Variants in FBXL13 observed in about 807,000 individuals in gnomAD.
FBXL13 encodes F-box and leucine-rich repeat protein 13.
A neutral mutation model predicts 83.6 loss-of-function variants in FBXL13; 67 were observed. The observed-to-expected ratio is 0.80, with a 90% confidence interval of 0.66 to 0.98. The LOEUF is 0.98. Among genes scored for constraint, FBXL13 ranks in the 50% least tolerant of loss-of-function variants. FBXL13 has a pLI of 0.00. For synonymous variants in FBXL13, 272 were observed against 299.5 expected, an observed-to-expected ratio of 0.91 and a Z score of 0.95; for missense variants, 822 against 866.5, an observed-to-expected ratio of 0.95 and a Z score of 0.64.
At chr7:102,823,876 T>C (rs1799172698) in intron 18 of FBXL13, among the ~76,000 whole-genome samples, 1 of 152,172 alleles carries the variant, frequency 6.6e-6, no homozygotes, top group Non-Finnish European at 1.5e-5. Context: ...TTAAACATTA[T>C]AACTGACTCT....
At chr7:102,836,423 T>A (rs1801993418) in intron 17 of FBXL13, among the ~76,000 whole-genome samples, 1 of 152,230 alleles carries the variant, frequency 6.6e-6, no homozygotes, top group African/African-American at 2.4e-5. Context: ...TAATCACTCA[T>A]GAAATTCCAT....
intron 19 of FBXL13, among the ~76,000 whole-genome samples, chr7:102,819,974 T>A (rs1291521695): frequency 6.6e-6 from 1 of 152,120 alleles, no homozygotes. Context: ...AATAAAAAAA[T>A]TTGAGGCCAG....
At chr7:102,830,195 A>G (rs1057456941) in intron 18 of FBXL13, among the ~76,000 whole-genome samples, 1 of 152,230 alleles carries the variant, frequency 6.6e-6, no homozygotes, top group African/African-American at 2.4e-5. Context: ...CTTCATAACA[A>G]AAAACAAAAA....
At chr7:103,042,518 C>A (rs954943633) in intron 2 of FBXL13, among the ~76,000 whole-genome samples, 81 of 152,160 alleles carry the variant, frequency 5.3e-4, no homozygotes, top group Non-Finnish European at 4.0e-4. Context: ...ATAGCCAAGG[C>A]AGTCTTAAGC....
intron 6 of FBXL13, among the ~76,000 whole-genome samples, chr7:102,973,972 T>G (rs1827113124): frequency 6.6e-6 from 1 of 152,168 alleles, no homozygotes; most frequent in South Asian, 2.1e-4. Flanking sequence ...ATCGCTCCTT[T>G]CATCGTCTCC....
At chr7:102,834,900 G>A (rs1801604853) in intron 17 of FBXL13, among the ~76,000 whole-genome samples, 1 of 151,774 alleles carries the variant, frequency 6.6e-6, no homozygotes, top group Non-Finnish European at 1.5e-5. Context: ...GTGTGTGTGT[G>A]TGTGTGTGTG....
chr7:102,981,974 G>A, intron 6 of FBXL13, among the ~76,000 whole-genome samples: 1 of 152,252 alleles, frequency 6.6e-6, no homozygotes. Context: ...TGAGGCTGAG[G>A]GGGGCAGATC....
intron 6 of FBXL13, among the ~76,000 whole-genome samples, chr7:103,001,182 A>T (rs1585304852): frequency 6.6e-6 from 1 of 152,000 alleles, no homozygotes; most frequent in East Asian, 1.9e-4. Flanking sequence ...GCTGGTCTCA[A>T]ACTCCCAGGT....
intron 2 of FBXL13, among the ~76,000 whole-genome samples, chr7:103,032,106 A>G (rs1382724754): frequency 6.6e-6 from 1 of 152,232 alleles, no homozygotes; most frequent in African/African-American, 2.4e-5. Flanking sequence ...TAGGAGAGAA[A>G]AAGAAGTGAA....
At chr7:102,960,236 G>T (rs1210445423) in intron 8 of FBXL13, among the ~76,000 whole-genome samples, 2 of 152,120 alleles carry the variant, frequency 1.3e-5, no homozygotes, top group African/African-American at 2.4e-5. Context: ...AAATCTAGAA[G>T]AAATGGATAA....
chr7:102,978,004 G>A (rs1585217634), intron 6 of FBXL13, among the ~76,000 whole-genome samples: 1 of 152,080 alleles, frequency 6.6e-6, no homozygotes. Context: ...GTTAAATGAC[G>A]AATTAATGGG....
intron 6 of FBXL13, among the ~76,000 whole-genome samples, chr7:102,977,465 T>C (rs972518556): frequency 6.6e-6 from 1 of 152,182 alleles, no homozygotes; most frequent in Non-Finnish European, 1.5e-5. Context: ...AAGTAGCCCA[T>C]GTACCAGTCC....
intron 8 of FBXL13, among the ~76,000 whole-genome samples, chr7:102,956,130 C>A (rs1028606585): frequency 1.3e-5 from 2 of 151,998 alleles, no homozygotes; most frequent in African/African-American, 4.8e-5. Context: ...TGCAAAAATC[C>A]TCAATAAAAT....
At chr7:102,979,931 C>T (rs1384865829) in intron 6 of FBXL13, among the ~76,000 whole-genome samples, 1 of 152,140 alleles carries the variant, frequency 6.6e-6, no homozygotes, top group African/African-American at 2.4e-5. Flanking sequence ...TTAAAATCTG[C>T]CTCTGAATAA....
chr7:102,987,688 TA>T (rs1429222259), intron 6 of FBXL13, among the ~76,000 whole-genome samples: 1 of 152,216 alleles, frequency 6.6e-6, no homozygotes. Flanking sequence ...GTGGGTATCA[TA>T]CACTAATCAC....
At chr7:102,843,636 C>T (rs1803394462) in intron 17 of FBXL13, among the ~76,000 whole-genome samples, 1 of 151,974 alleles carries the variant, frequency 6.6e-6, no homozygotes, top group Non-Finnish European at 1.5e-5. Context: ...ATTAGCCAGA[C>T]ATGGTCGTGG....
At chr7:102,832,896 C>A (rs145243545) in exon 18 of FBXL13, 19 of 1,614,096 alleles carry the variant, frequency 1.2e-5, no homozygotes, top group Non-Finnish European at 1.6e-5. Context: ...ATGGCCAGTG[C>A]TTTGATAATC....
At chr7:102,943,345 A>G (rs1324835213) in intron 8 of FBXL13, among the ~76,000 whole-genome samples, 2 of 152,124 alleles carry the variant, frequency 1.3e-5, no homozygotes, top group South Asian at 4.1e-4. Flanking sequence ...CCAAAAAAAA[A>G]AAAAGCCCAA....
At chr7:103,056,619 A>G (rs1797365274) in intron 1 of FBXL13, among the ~76,000 whole-genome samples, 1 of 151,992 alleles carries the variant, frequency 6.6e-6, no homozygotes. Context: ...CACCACGCCT[A>G]GCTAATTTTT....
Sources: allele counts gnomAD v4.1 joint callset (sites outside exome capture counted in the v4.1 genomes callset), GRCh38; gene constraint gnomAD v4.1.1; transcripts MANE v1.5; gene names NCBI Gene and HGNC (gene_info 2026-07-23, HGNC 2026-07-21).